The following PKIB variants were observed in gnomAD, a reference collection of about 807,000 sequenced individuals.
PKIB encodes the protein PKI-beta.
PKIB carries 2 observed loss-of-function variants against 4.5 expected under a neutral mutation model. That is an observed-to-expected ratio of 0.44 (90% confidence interval 0.18 to 1.39). The LOEUF (loss-of-function observed/expected upper bound fraction) is 1.39. Ranked by LOEUF, PKIB falls within the 40% of genes most tolerant of loss-of-function variation. The pLI, the probability that PKIB is intolerant of heterozygous loss-of-function variation, is 0.27. For synonymous variants in PKIB, 38 were observed against 36.0 expected (o/e 1.06, Z -0.20); for missense variants, 94 against 92.6 (o/e 1.02, Z -0.06).
At position 122,640,660 on chromosome 6, in the gene PKIB, T is replaced by G. The variant is rs142590738; in HGVS notation, c.-76+7293T>G. On this transcript the variant is annotated intron_variant, in intron 2 of 4. Transcript: ENST00000368452. ...CTGTTGCATAATTTGAACTAGCCAG[T>G]AAAAAGTCCAGAAGGACTCAGGTGG... 1.7e-3 allele frequency among the ~76,000 whole-genome samples: 265 copies of G among 152,288 alleles called. 1 individual carries two copies. Among genetic ancestry groups the G allele is most frequent in the African/African-American group, 6.1e-3 (253 of 41,562 alleles).
intron 3 of PKIB, among the ~76,000 whole-genome samples, chr6:122,693,430 A>C (rs1778431132): frequency 6.6e-6 from 1 of 152,222 alleles, no homozygotes; most frequent in South Asian, 2.1e-4. Context: ...GATTTGTGGG[A>C]ATTTTCTCAT....
chr6:122,630,913 T>G (rs958942017), intron 1 of PKIB, among the ~76,000 whole-genome samples: 111 of 152,236 alleles, frequency 7.3e-4, no homozygotes, highest in African/African-American at 2.5e-3. Flanking sequence ...AAAAGTTACC[T>G]GGAAACCAGC....
At chr6:122,676,621 A>G (rs1777685806) in intron 3 of PKIB, among the ~76,000 whole-genome samples, 1 of 152,168 alleles carries the variant, frequency 6.6e-6, no homozygotes, top group Admixed American at 6.5e-5. Context: ...TCACTGAAAC[A>G]TTGCTGCTTA....
At chr6:122,604,472 C>T (rs1774465660) in intron 3 of PKIB, among the ~76,000 whole-genome samples, 1 of 152,144 alleles carries the variant, frequency 6.6e-6, no homozygotes, top group South Asian at 2.1e-4. Context: ...AATACATCCC[C>T]TTGCACCAAT....
At chr6:122,594,234 A>G (rs1254068001) in intron 3 of PKIB, among the ~76,000 whole-genome samples, 1 of 150,262 alleles carries the variant, frequency 6.7e-6, no homozygotes, top group Admixed American at 6.6e-5. Flanking sequence ...TTTAAGATGG[A>G]GTCTTGCTCT....
intron 1 of PKIB, among the ~76,000 whole-genome samples, chr6:122,624,315 A>G (rs954931691): frequency 6.6e-6 from 1 of 152,212 alleles, no homozygotes; most frequent in Non-Finnish European, 1.5e-5. Context: ...GCCATAGTCC[A>G]TAGCAGGAAA....
chr6:122,712,763 A>G (rs1465134515), intron 3 of PKIB, among the ~76,000 whole-genome samples: 1 of 152,166 alleles, frequency 6.6e-6, no homozygotes, highest in Non-Finnish European at 1.5e-5. Flanking sequence ...GTATCTGGAG[A>G]TGAGAAAAGA....
At chr6:122,690,650 G>T (rs1194500545) in intron 3 of PKIB, among the ~76,000 whole-genome samples, 3 of 151,750 alleles carry the variant, frequency 2.0e-5, no homozygotes, top group South Asian at 4.2e-4. Context: ...TTTTTGATTG[G>T]TTCACCTTTT....
intron 2 of PKIB, among the ~76,000 whole-genome samples, chr6:122,501,760 ATTAACATTCAGCTC>A (rs954602760): frequency 5.9e-5 from 9 of 152,172 alleles, no homozygotes; most frequent in Admixed American, 3.9e-4. Flanking sequence ...TGTCTTGGCT[ATTAACATTCAGCTC>A]TTCTGCAGCC....
At position 122,639,844 on chromosome 6, in the gene PKIB, G is replaced by A. The variant is rs186434254; in HGVS notation, c.-76+6477G>A. Among the ~76,000 whole-genome samples the A allele has an allele frequency of 1.2e-4, 19 of 152,306 alleles. No individual in the cohort carries two copies. In the East Asian group the frequency reaches 3.3e-3, roughly 26 times the overall value. On this transcript the variant is annotated intron_variant, in intron 2 of 4. Transcript: ENST00000368452. ...GTTGATTGGTCATAAGTGGGAGGGT[G>A]ACGGGTTGGTTTTGGAGGTGGGTAA...
At chr6:122,662,792 A>G (rs1023514524) in intron 2 of PKIB, among the ~76,000 whole-genome samples, 3 of 152,190 alleles carry the variant, frequency 2.0e-5, no homozygotes, top group Non-Finnish European at 4.4e-5. Flanking sequence ...AGTAAACTGA[A>G]GTTTAGAGAG....
At chr6:122,512,651 C>T (rs1210701496) in intron 2 of PKIB, among the ~76,000 whole-genome samples, 1 of 152,154 alleles carries the variant, frequency 6.6e-6, no homozygotes, top group Non-Finnish European at 1.5e-5. Flanking sequence ...CTACCACTGG[C>T]TTTGGTATCC....
chr6:122,579,006 A>G (rs902478734), intron 2 of PKIB, among the ~76,000 whole-genome samples: 1 of 152,194 alleles, frequency 6.6e-6, no homozygotes, highest in Non-Finnish European at 1.5e-5. Flanking sequence ...CCTCCCAGCC[A>G]TGCTGAACTG....
intron 2 of PKIB, among the ~76,000 whole-genome samples, chr6:122,651,714 A>G (rs1776561795): frequency 6.6e-6 from 1 of 152,176 alleles, no homozygotes; most frequent in African/African-American, 2.4e-5. Flanking sequence ...TTGAAATCTT[A>G]GCCCTGTGGT....
At chr6:122,535,879 T>A (rs1777391323) in intron 2 of PKIB, among the ~76,000 whole-genome samples, 1 of 152,206 alleles carries the variant, frequency 6.6e-6, no homozygotes, top group Non-Finnish European at 1.5e-5. Context: ...TTTGAGTCAA[T>A]TGATAAGCTT....
intron 2 of PKIB, among the ~76,000 whole-genome samples, chr6:122,495,723 C>G (rs943797155): frequency 1.3e-5 from 2 of 152,144 alleles, no homozygotes; most frequent in African/African-American, 4.8e-5. Context: ...AAATGTGGAG[C>G]CACCCCTTTA....
chr6:122,648,050 A>G (rs1776396999), intron 2 of PKIB, among the ~76,000 whole-genome samples: 1 of 152,222 alleles, frequency 6.6e-6, no homozygotes, highest in Admixed American at 6.5e-5. Context: ...GGTATAGCCC[A>G]ATTTCCCCTT....
intron 2 of PKIB, among the ~76,000 whole-genome samples, chr6:122,487,795 G>A (rs1003337770): frequency 3.3e-5 from 5 of 152,136 alleles, no homozygotes; most frequent in African/African-American, 1.2e-4. Context: ...AAGGTTTTTA[G>A]TTATAGCAGC....
intron 2 of PKIB, among the ~76,000 whole-genome samples, chr6:122,645,147 A>G (rs562089603): frequency 2.6e-5 from 4 of 152,354 alleles, no homozygotes; most frequent in African/African-American, 9.6e-5. Context: ...ACAGGTTGGT[A>G]CATGACTTCT....
Sources: gnomAD v4.1 joint callset for allele counts (sites outside exome capture counted in the v4.1 genomes callset) on GRCh38, gnomAD v4.1.1 for gene constraint, MANE v1.5 for transcripts, NCBI Gene and HGNC (gene_info 2026-07-23, HGNC 2026-07-21) for gene names.